ARMH1: variants seen among roughly 807,000 people sequenced by gnomAD.
ARMH1 encodes armadillo like helical domain containing 1, also known as armadillo-like helical domain containing protein 1.
ARMH1 carries 34 observed loss-of-function variants against 50.2 expected under a neutral mutation model. The ratio of observed to expected loss-of-function variants is 0.68; its 90% CI spans 0.51 to 0.90. ARMH1 has a LOEUF of 0.90. Among genes scored for constraint, ARMH1 ranks in the 40% least tolerant of loss-of-function variants. ARMH1 has a pLI of 0.00. For synonymous variants in ARMH1, 221 were observed against 224.2 expected (o/e 0.99, Z 0.13); for missense variants, 538 against 553.9 (o/e 0.97, Z 0.29).
intron 6 of ARMH1, among the ~76,000 whole-genome samples, chr1:44,721,633 G>T (rs1157996852): frequency 6.6e-6 from 1 of 152,164 alleles, no homozygotes; most frequent in African/African-American, 2.4e-5. Flanking sequence ...TGAGGCTGAG[G>T]TGGGAGGATT....
At chr1:44,702,791 CA>C (rs1646149949) in intron 5 of ARMH1, among the ~76,000 whole-genome samples, 1 of 150,352 alleles carries the variant, frequency 6.7e-6, no homozygotes, top group Admixed American at 6.6e-5. Flanking sequence ...GTTGGAAAAT[CA>C]AGGGAAAAGA....
At chr1:44,699,305 GAAATA>G (rs1645951204) in intron 4 of ARMH1, among the ~76,000 whole-genome samples, 1 of 147,816 alleles carries the variant, frequency 6.8e-6, no homozygotes, top group African/African-American at 2.5e-5. Context: ...AAAAAAAAAG[GAAATA>G]AAATAAATTT....
intron 6 of ARMH1, among the ~76,000 whole-genome samples, chr1:44,709,000 A>T (rs560287794): frequency 6.6e-6 from 1 of 152,290 alleles, no homozygotes; most frequent in South Asian, 2.1e-4. Flanking sequence ...GGATTAAAAG[A>T]GACTTAAAAG....
Position 44,697,284 on chromosome 1 carries a change from T to C in ARMH1, c.275+114T>C, listed in dbSNP as rs574025444. 221 of 821,170 alleles carry C rather than the reference T, an allele frequency of 2.7e-4. 1 individual carries two copies. In the East Asian group the frequency reaches 4.8e-3, roughly 18 times the overall value. 50.9% of individuals were successfully genotyped at this position (821,170 alleles called of 1,614,324 possible). ...ATTCCTGTTAGCAGTGGGTTCCTTG[T>C]AGCTCTTGGGATGGGCCCAGAGGTA... is the stretch of plus-strand genomic sequence containing the variant. On this transcript the variant is annotated intron_variant, in intron 3 of 11. Coordinates refer to ENST00000535358, the MANE Select transcript of ARMH1 (RefSeq NM_001145636.2).
chr1:44,704,191 T>C lies in ARMH1; in HGVS notation c.724+18T>C. ...GTATGAAGGTAGGGAGCCTCCAGAT[T>C]GCAGAAGGGGGCACCGAGAGCCAGA... On this transcript the variant is annotated intron_variant, in intron 6 of 11. Coordinates refer to ENST00000535358, the MANE Select transcript of ARMH1 (RefSeq NM_001145636.2). 6.5e-7 allele frequency: 1 copy of C among 1,539,430 alleles called. No homozygotes were observed. The highest frequency in any genetic ancestry group is 8.8e-7 in the Non-Finnish European group (1 of 1,136,068).
At chr1:44,700,496 G>C (rs548305183) in intron 4 of ARMH1, among the ~76,000 whole-genome samples, 1 of 151,540 alleles carries the variant, frequency 6.6e-6, no homozygotes, top group East Asian at 2.0e-4. Flanking sequence ...CACACCTGTA[G>C]TCCCAGCTAC....
chr1:44,676,788 T>A (rs1316821644), intron 1 of ARMH1, among the ~76,000 whole-genome samples: 1 of 152,206 alleles, frequency 6.6e-6, no homozygotes, highest in Non-Finnish European at 1.5e-5. Context: ...TTCAGAAAGC[T>A]TGGCTATTTA....
chr1:44,676,247 A>G lies in ARMH1; in HGVS notation c.-23+1374A>G, dbSNP rs182132604. Among the ~76,000 whole-genome samples the G allele has an allele frequency of 7.9e-5, 12 of 152,312 alleles. No homozygotes were observed. The East Asian group carries it at 1.4e-3, about 17-fold the overall frequency. ...AAGCAGGGGTTTTTAGGAGAGGGTC[A>G]GTTCTGGGCACGGTGAGCTTGGGGT... On this transcript the variant is annotated intron_variant, in intron 1 of 11. Coordinates refer to ENST00000535358, the MANE Select transcript of ARMH1 (RefSeq NM_001145636.2).
At chr1:44,684,236 T>G (rs1010531658) in intron 1 of ARMH1, among the ~76,000 whole-genome samples, 1 of 152,230 alleles carries the variant, frequency 6.6e-6, no homozygotes, top group African/African-American at 2.4e-5. Context: ...TGTTTTCATC[T>G]TATTAATTAT....
chr1:44,680,581 A>T (rs1645275345), intron 1 of ARMH1, among the ~76,000 whole-genome samples: 2 of 152,228 alleles, frequency 1.3e-5, no homozygotes, highest in Admixed American at 6.5e-5. Context: ...TAGGAAGGGT[A>T]GAAGCTTACG....
intron 6 of ARMH1, among the ~76,000 whole-genome samples, chr1:44,707,141 C>G (rs1646380731): frequency 6.7e-6 from 1 of 149,572 alleles, no homozygotes; most frequent in Non-Finnish European, 1.5e-5. Context: ...TCAAATGGTA[C>G]CTTCCCCTTA....
At chr1:44,700,599 G>GACA (rs1030358130) in intron 4 of ARMH1, among the ~76,000 whole-genome samples, 6 of 119,764 alleles carry the variant, frequency 5.0e-5, no homozygotes, top group Non-Finnish European at 9.7e-5. Flanking sequence ...CTGGGCAACA[G>GACA]ACAGAGACTC....
intron 2 of ARMH1, among the ~76,000 whole-genome samples, chr1:44,694,360 T>C (rs773564036): frequency 5.3e-5 from 8 of 152,184 alleles, no homozygotes; most frequent in South Asian, 2.1e-4. Context: ...CACAGCATCA[T>C]TATTTTTTGC....
rs963404242 is a variant in ARMH1 at position 44,679,501 on chromosome 1, C to T, written c.-23+4628C>T. Among the ~76,000 whole-genome samples the T allele has an allele frequency of 3.9e-5, 6 of 152,220 alleles. No homozygotes were observed. In the East Asian group the frequency reaches 1.2e-3, roughly 29 times the overall value. On this transcript the variant is annotated intron_variant, in intron 1 of 11. Coordinates refer to ENST00000535358, the MANE Select transcript of ARMH1 (RefSeq NM_001145636.2). ...CTGTGACATTTCAAAAAAAATTTCTCCCCTTCTTGAATGCCATTTGGCTGC... is the reference window on the plus strand; with the variant it reads ...CTGTGACATTTCAAAAAAAATTTCTTCCCTTCTTGAATGCCATTTGGCTGC...
At chr1:44,700,666 T>A (rs1014235453) in intron 4 of ARMH1, among the ~76,000 whole-genome samples, 6 of 151,616 alleles carry the variant, frequency 4.0e-5, no homozygotes, top group Middle Eastern at 3.4e-3. Context: ...AAAATGCATG[T>A]TTTATTTGTA....
chr1:44,705,537 T>C (rs1255607558), intron 6 of ARMH1, among the ~76,000 whole-genome samples: 3 of 151,724 alleles, frequency 2.0e-5, no homozygotes, highest in South Asian at 2.1e-4. Flanking sequence ...AAAATAACCA[T>C]AAGAGTACAA....
intron 3 of ARMH1, 145 bp downstream of exon 3, chr1:44,697,315 C>T (rs1043578976): frequency 1.4e-5 from 9 of 655,018 alleles, no homozygotes; most frequent in Non-Finnish European, 2.2e-5. Flanking sequence ...AGGTAATGTC[C>T]ACCGGGCTCC....
chr1:44,725,517 G>C lies in ARMH1; in HGVS notation c.*114G>C. 1 of 1,031,526 alleles carries C rather than the reference G, an allele frequency of 9.7e-7. No homozygotes were observed. The highest frequency in any genetic ancestry group is 1.4e-6 in the Non-Finnish European group (1 of 690,072). 63.9% of individuals were successfully genotyped at this position (1,031,526 alleles called of 1,614,324 possible). A position where few individuals can be genotyped will look rare whatever the true frequency, so the allele number is the denominator to read the frequency against. ...TCCACTTGGCTCCAGGGGGGAGACG[G>C]GGATTAGGCATCCCAGAGGGGCAGA... On this transcript the variant is annotated 3_prime_UTR_variant, in exon 12 of 12. Transcript: ENST00000535358.
chr1:44,724,980 G>A lies in ARMH1; in HGVS notation c.1128+141G>A, dbSNP rs573916633. The A allele has an allele frequency of 6.0e-6, 9 of 1,501,640 alleles. No individual in the cohort carries two copies. The East Asian group carries it at 7.4e-5, about 12-fold the overall frequency. 93.0% of individuals were successfully genotyped at this position (1,501,640 alleles called of 1,614,324 possible). On this transcript the variant is annotated intron_variant, in intron 10 of 11. Coordinates refer to ENST00000535358, the MANE Select transcript of ARMH1 (RefSeq NM_001145636.2). The surrounding 1 kb of genome is among the most constrained non-coding windows in gnomAD (Gnocchi z 6.4). Reference sequence around the variant, plus strand: ...CAGCTGCAGGAGGGACTGCTCTGGCGTAGGCTCCTCCACCCGCCACCTTCC... The same window carrying A: ...CAGCTGCAGGAGGGACTGCTCTGGCATAGGCTCCTCCACCCGCCACCTTCC...
Sources: allele counts gnomAD v4.1 joint callset (sites outside exome capture counted in the v4.1 genomes callset), GRCh38; gene constraint gnomAD v4.1.1; non-coding constraint Gnocchi (gnomAD v3.1); transcripts MANE v1.5; gene names NCBI Gene and HGNC (gene_info 2026-07-23, HGNC 2026-07-21).